Variants in ASPG observed in about 807,000 individuals in gnomAD.
The protein encoded by ASPG is 60 kDa lysophospholipase.
Under a neutral mutation model 63.2 loss-of-function variants are expected in ASPG, and 53 were observed. The observed-to-expected ratio is 0.84, with a 90% CI of 0.67 to 1.05. The LOEUF is 1.05. Among genes scored for constraint, ASPG ranks in the 50% least tolerant of loss-of-function variants. The probability of loss-of-function intolerance (pLI) is 0.00; values close to 1 mark genes in which losing one functional copy is unlikely to be tolerated. For missense variants in ASPG, 741 were observed against 794.4 expected, an observed-to-expected ratio of 0.93 and a Z score of 0.81; for synonymous variants, 370 against 355.0, an observed-to-expected ratio of 1.04 and a Z score of -0.48.
rs534846509 is a variant in ASPG at position 104,104,367 on chromosome 14, G to C, written c.817G>C (p.Gly273Arg). ...VVMETFGSGN[G>R]PTKPDLLQEL... The stretch of plus-strand genomic sequence containing the variant: ...CATGGAGACCTTCGGTTCAGGGAAC[G>C]GACCCACCAAGCCCGACCTGCTGCA... Residue 273 changes from glycine to arginine, a missense_variant, in exon 8 of 16, where the codon GGA (glycine) becomes CGA (arginine). Physicochemically the swap from Gly to Arg is moderately radical, Grantham distance 125 (BLOSUM62 -2). Transcript: ENST00000551177. 5.0e-5 allele frequency: 80 copies of C among 1,612,464 alleles called. No individual in the cohort carries two copies. The highest frequency in any genetic ancestry group is 1.1e-4 in the East Asian group (5 of 44,892).
intron 6 of ASPG, among the ~76,000 whole-genome samples, chr14:104,103,039 A>G (rs1474345394): frequency 6.6e-6 from 1 of 152,240 alleles, no homozygotes; most frequent in Admixed American, 6.5e-5. Context: ...CCCGGTGGGC[A>G]GTGGGCACAG....
At position 104,090,433 on chromosome 14, in the gene ASPG, C is replaced by T. The variant is rs570749827; in HGVS notation, c.83-2200C>T. The stretch of plus-strand genomic sequence containing the variant: ...AGTGACTTTTTGTTTCCTGTGGCCA[C>T]TGTGCCGGGCGGCTGAACATCACAG... On this transcript the variant is annotated intron_variant, in intron 1 of 15. Transcript: ENST00000551177. Among the ~76,000 whole-genome samples, 11 of 152,384 alleles carry T rather than the reference C, an allele frequency of 7.2e-5. No homozygotes were observed. The East Asian group carries it at 2.1e-3, about 29-fold the overall frequency.
chr14:104,095,410 G>A, intron 3 of ASPG, 121 bp from the exon 4 acceptor site: 1 of 1,395,338 alleles, frequency 7.2e-7, no homozygotes, highest in Non-Finnish European at 9.7e-7. Flanking sequence ...CCAGGCCAGG[G>A]TCCCACGGGT....
intron 10 of ASPG, among the ~76,000 whole-genome samples, chr14:104,106,070 G>A (rs1432091022): frequency 6.6e-6 from 1 of 152,268 alleles, no homozygotes; most frequent in African/African-American, 2.4e-5. Context: ...TACAGGGATG[G>A]ACCTGTCTTG....
At chr14:104,106,563 C>G (rs924821136) in intron 10 of ASPG, among the ~76,000 whole-genome samples, 1 of 152,148 alleles carries the variant, frequency 6.6e-6, no homozygotes, top group Middle Eastern at 3.4e-3. Flanking sequence ...ATGGTGGTCT[C>G]GTGGCCTGGC....
In ASPG at chr14:104,111,598, C is replaced by G. The variant is rs568460528; in HGVS notation, c.1617C>G (p.His539Gln). 1 of 1,549,936 alleles carries G rather than the reference C, an allele frequency of 6.5e-7. No homozygotes were observed. Among genetic ancestry groups the G allele is most frequent in the South Asian group, 1.2e-5 (1 of 83,990 alleles). ...QPGYDGHSAL[H>Q]VAEAAGNLAV... ...GCTATGACGGGCACAGCGCCCTGCA[C>G]GTCGTGAGTGCCCCCACCCCCTGCA... The change falls in exon 14 of 16, where the codon CAC becomes CAG. Residue 539 changes from histidine (H) to glutamine (Q), a missense_variant. Transcript: ENST00000551177.
In ASPG at chr14:104,110,053, G is replaced by T. The variant is rs2141059249; in HGVS notation, c.1520+738G>T. ...GCCCCCCACCCCATGCCTTGTGCCT[G>T]GTGACTTGGCGCTGCCTCCTGTGCC... On this transcript the variant is annotated intron_variant, in intron 13 of 15. Transcript: ENST00000551177. This position sits in a 1 kb window ranked among gnomAD's most constrained non-coding sequence, Gnocchi z 4.7. 1 of 985,414 alleles carries T rather than the reference G, an allele frequency of 1.0e-6. No individual in the cohort carries two copies. Among genetic ancestry groups the T allele is most frequent in the South Asian group, 4.7e-5 (1 of 21,282 alleles). 61.0% of individuals were successfully genotyped at this position (985,414 alleles called of 1,614,324 possible).
In ASPG at chr14:104,111,960, A is replaced by G. The variant is rs367885542; in HGVS notation, c.1661A>G (p.Gln554Arg). 1.5e-5 allele frequency: 24 copies of G among 1,558,138 alleles called. No individual in the cohort carries two copies. Among genetic ancestry groups the G allele is most frequent in the Admixed American group, 1.9e-5 (1 of 52,264 alleles). The change falls in exon 15 of 16, where the codon CAG becomes CGG. Residue 554 changes from glutamine to arginine, a missense_variant. Gln to Arg is a conservative substitution (Grantham distance 43). Transcript: ENST00000551177. ...AACCTGGCAGTGGTGGCCTTTCTACAGAGCCTGGAGGGTGCGGTTGGTGCC... is the reference window on the plus strand; with the variant it reads ...AACCTGGCAGTGGTGGCCTTTCTACGGAGCCTGGAGGGTGCGGTTGGTGCC... The part of the protein sequence containing the change: ...AGNLAVVAFL[Q>R]SLEGAVGAQA...
chr14:104,093,418 C>A (rs753062458), intron 2 of ASPG, 73 bp from the exon 3 acceptor site: 3 of 1,348,244 alleles, frequency 2.2e-6, no homozygotes, highest in South Asian at 2.3e-5. Context: ...CAGAGCGGGT[C>A]AGGGCATTTA....
intron 1 of ASPG, among the ~76,000 whole-genome samples, chr14:104,087,786 C>T (rs766120427): frequency 6.6e-5 from 10 of 152,236 alleles, no homozygotes; most frequent in East Asian, 3.8e-4. Context: ...ACACCCGTCT[C>T]GCTTGGCCCC....
intron 5 of ASPG, among the ~76,000 whole-genome samples, chr14:104,098,151 CTGCG>C (rs1566830605): frequency 1.0e-4 from 10 of 98,518 alleles, no homozygotes; most frequent in South Asian, 3.1e-4. Context: ...TATGGAGGTT[CTGCG>C]TTAGAGATAC....
At chr14:104,108,444 G>T in intron 12 of ASPG, 1 of 985,392 alleles carries the variant, frequency 1.0e-6, no homozygotes, top group Non-Finnish European at 1.2e-6. Context: ...GCCTCGCTCC[G>T]CTGCCAGGCT....
chr14:104,092,742 G>A lies in ASPG; in HGVS notation c.191+1G>A, dbSNP rs556102295. 7 of 1,534,908 alleles carry A rather than the reference G, an allele frequency of 4.6e-6. No individual in the cohort carries two copies. Among genetic ancestry groups the A allele is most frequent in the African/African-American group, 1.4e-5 (1 of 73,086 alleles). The stretch of plus-strand genomic sequence containing the variant: ...TCTCTGAGGACACCCTGGTGCTACC[G>A]TGAGTGTGGGCTCCTCCCAGTCCCG... On this transcript the variant is annotated splice_donor_variant, in intron 2 of 15. Coordinates refer to ENST00000551177, the MANE Select transcript of ASPG (RefSeq NM_001080464.3). LOFTEE classifies it high-confidence loss of function.
At chr14:104,107,544 G>T (rs1389668630) in intron 12 of ASPG, among the ~76,000 whole-genome samples, 199 bp downstream of exon 12, 1 of 152,208 alleles carries the variant, frequency 6.6e-6, no homozygotes, top group Non-Finnish European at 1.5e-5. Context: ...TGTGGACAAA[G>T]CTGGGAGGAC....
At chr14:104,094,905 C>G (rs1477577350) in intron 3 of ASPG, among the ~76,000 whole-genome samples, 1 of 152,216 alleles carries the variant, frequency 6.6e-6, no homozygotes, top group Non-Finnish European at 1.5e-5. Context: ...TTAATGGCCC[C>G]CCGGGCAGGC....
Position 104,093,523 on chromosome 14 carries a change from C to G in ASPG, c.224C>G (p.Thr75Ser). The G allele has an allele frequency of 6.2e-7, 1 of 1,612,824 alleles. No homozygotes were observed. Among genetic ancestry groups the G allele is most frequent in the Non-Finnish European group, 8.5e-7 (1 of 1,179,834 alleles). The change falls in exon 3 of 16, where the codon ACC (threonine) becomes AGC (serine). Residue 75 changes from threonine (T) to serine (S), a missense_variant. By Grantham distance (58) the Thr-to-Ser change is moderately conservative. Transcript: ENST00000551177. ...AGCCGCAACCAGAGGATTCTCTACACCGTGCTGGAGTGCCAGCCCCTCTTC... is the reference window on the plus strand; with the variant it reads ...AGCCGCAACCAGAGGATTCTCTACAGCGTGCTGGAGTGCCAGCCCCTCTTC... ...PASRNQRILY[T>S]VLECQPLFDS...
rs558539938 is a variant in ASPG at position 104,104,606 on chromosome 14, C to T, written c.937-16C>T. 8.8e-6 allele frequency: 14 copies of T among 1,597,528 alleles called. No homozygotes were observed. The highest frequency in any genetic ancestry group is 1.7e-4 in the Middle Eastern group (1 of 6,024). On this transcript the variant is annotated splice_polypyrimidine_tract_variant and intron_variant, in intron 8 of 15. Coordinates refer to ENST00000551177, the MANE Select transcript of ASPG (RefSeq NM_001080464.3). ...TGGTGAGTCGCCCTTCCTGCCCACA[C>T]GCCCCCTCCTCACAGGCCATGGCGG...
At position 104,085,824 on chromosome 14, in the gene ASPG, CACCATT is replaced by C. The variant is rs1464738892; in HGVS notation, c.55_60del (p.Thr19_Ile20del). 9 of 1,591,234 alleles carry C rather than the reference CACCATT, an allele frequency of 5.7e-6. No homozygotes were observed. Among genetic ancestry groups the C allele is most frequent in the Non-Finnish European group, 6.8e-6 (8 of 1,174,596 alleles). ...GGCTGCTGGCCGTCTACACCGGCGG[CACCATT>C]GGCATGCGGAGTGAGCTCGGCGGTG... On this transcript the variant is annotated inframe_deletion, in exon 1 of 16. Coordinates refer to ENST00000551177, the MANE Select transcript of ASPG (RefSeq NM_001080464.3).
chr14:104,110,449 T>G lies in ASPG; in HGVS notation c.1521-1053T>G. On this transcript the variant is annotated intron_variant, in intron 13 of 15. Transcript: ENST00000551177. The surrounding 1 kb of genome is among the most constrained non-coding windows in gnomAD (Gnocchi z 4.7). ...TTGACAGATGGGGAAACTGAGGCAG[T>G]AGTCAGGTCCTGTGGGAGCTGGGAC... 2.0e-6 allele frequency: 2 copies of G among 985,214 alleles called. No homozygotes were observed. The highest frequency in any genetic ancestry group is 2.4e-6 in the Non-Finnish European group (2 of 829,828). 61.0% of individuals were successfully genotyped at this position (985,214 alleles called of 1,614,324 possible).
Sources: allele counts gnomAD v4.1 joint callset (sites outside exome capture counted in the v4.1 genomes callset), GRCh38; gene constraint gnomAD v4.1.1; non-coding constraint Gnocchi (gnomAD v3.1); transcripts MANE v1.5; gene names NCBI Gene and HGNC (gene_info 2026-07-23, HGNC 2026-07-21).